The following ZC3H12B variants were observed in gnomAD, a reference collection of about 807,000 sequenced individuals.
The protein encoded by ZC3H12B is zinc finger CCCH-type containing 12B.
In ZC3H12B, 7 loss-of-function variants were observed where a neutral mutation model predicts 43.9. The observed-to-expected ratio is 0.16, with a 90% CI of 0.09 to 0.30. The LOEUF (loss-of-function observed/expected upper bound fraction) is 0.30, where lower values mean the gene tolerates loss of function less well. ZC3H12B is among the 10% of genes least tolerant of loss of function. The probability of loss-of-function intolerance (pLI) is 1.00; values close to 1 mark genes in which losing one functional copy is unlikely to be tolerated. For missense variants in ZC3H12B, 475 were observed against 670.2 expected, an observed-to-expected ratio of 0.71 and a Z score of 3.22; for synonymous variants, 222 against 241.7, an observed-to-expected ratio of 0.92 and a Z score of 0.76.
the ZC3H12B span, among the ~76,000 whole-genome samples, chrX:65,332,130 C>G: frequency 5.4e-5 from 6 of 110,621 alleles, no homozygotes; most frequent in Non-Finnish European, 1.1e-4. Context: ...TGCTCTGGTT[C>G]GAATACCTCT....
intron 3 of ZC3H12B, among the ~76,000 whole-genome samples, chrX:65,461,695 C>A (rs1225205198): frequency 9.0e-6 from 1 of 110,622 alleles, no homozygotes; most frequent in African/African-American, 3.3e-5. Context: ...CACACTAGGG[C>A]CTGTTGTGGG....
the ZC3H12B span, among the ~76,000 whole-genome samples, chrX:65,293,964 A>G: frequency 2.7e-5 from 3 of 111,821 alleles, no homozygotes; most frequent in Non-Finnish European, 3.8e-5. Flanking sequence ...TCCCAGGCAT[A>G]GCTAGAGATC....
the ZC3H12B span, among the ~76,000 whole-genome samples, chrX:65,223,883 A>G: frequency 2.9e-4 from 33 of 112,503 alleles, no homozygotes; most frequent in Admixed American, 7.5e-4. Context: ...CACTATGGAA[A>G]ACAGAGTGGA....
At chrX:65,354,230 G>A in the ZC3H12B span, among the ~76,000 whole-genome samples, 10 of 111,680 alleles carry the variant, frequency 9.0e-5, no homozygotes, top group Non-Finnish European at 1.9e-4. Context: ...GCATCTGGCC[G>A]GTGCCCCTTT....
chrX:65,391,878 G>T (rs747710656), intron 2 of ZC3H12B, among the ~76,000 whole-genome samples: 1 of 111,091 alleles, frequency 9.0e-6, no homozygotes, highest in African/African-American at 3.3e-5. Flanking sequence ...TGATTCTCCT[G>T]CCTCAGCCTG....
At chrX:65,385,619 C>A (rs1426004286) in intron 2 of ZC3H12B, among the ~76,000 whole-genome samples, 1 of 111,686 alleles carries the variant, frequency 9.0e-6, no homozygotes, top group African/African-American at 3.3e-5. Context: ...TCCTCTTTTC[C>A]TAATTGAATA....
the ZC3H12B span, among the ~76,000 whole-genome samples, chrX:65,343,777 C>T: frequency 8.9e-6 from 1 of 111,799 alleles, no homozygotes; most frequent in Non-Finnish European, 1.9e-5. Flanking sequence ...GACAAGGATG[C>T]CCTCTGTCAT....
chrX:65,106,290 A>G, the ZC3H12B span, among the ~76,000 whole-genome samples: 1 of 112,268 alleles, frequency 8.9e-6, no homozygotes, highest in Non-Finnish European at 1.9e-5. Context: ...TGGCAGATAT[A>G]GTAATGAATT....
In ZC3H12B at chrX:65,450,987, A is replaced by G. The variant is rs1057306940; in HGVS notation, n.408-37659A>G. 1.2e-4 allele frequency among the ~76,000 whole-genome samples: 13 copies of G among 105,391 alleles called. No individual in the cohort carries two copies. In the East Asian group the frequency reaches 3.9e-3, roughly 31 times the overall value. The allele number at this position is 105,391 out of a possible 115,157, so 91.5% of individuals were successfully genotyped here. On this transcript the variant is annotated intron_variant and non_coding_transcript_variant, in intron 3 of 5. Transcript: ENST00000617377. ...TAGTATTAATTCAATTCTTTTGTTC[A>G]TCCAGGCTGAAGTGCAGTGGTGCGA...
At chrX:65,333,880 A>T in the ZC3H12B span, among the ~76,000 whole-genome samples, 5 of 112,003 alleles carry the variant, frequency 4.5e-5, no homozygotes, top group African/African-American at 1.6e-4. Flanking sequence ...CACAACAATT[A>T]TAACTATTAA....
At chrX:65,386,300 A>C (rs985136525) in intron 2 of ZC3H12B, among the ~76,000 whole-genome samples, 1 of 111,659 alleles carries the variant, frequency 9.0e-6, no homozygotes, top group African/African-American at 3.3e-5. Flanking sequence ...TTGGTAGGCT[A>C]TTAATTATTG....
At chrX:65,036,677 A>G in the ZC3H12B span, among the ~76,000 whole-genome samples, 2 of 110,336 alleles carry the variant, frequency 1.8e-5, no homozygotes, top group Non-Finnish European at 3.8e-5. Context: ...GCAAGCTGAC[A>G]TGCTTCTAGT....
chrX:65,129,019 A>G, the ZC3H12B span, among the ~76,000 whole-genome samples: 3 of 110,162 alleles, frequency 2.7e-5, no homozygotes. Flanking sequence ...TAGCTGGTGT[A>G]TTTATTTTAT....
intron 3 of ZC3H12B, among the ~76,000 whole-genome samples, chrX:65,471,013 G>A (rs1337691789): frequency 9.0e-6 from 1 of 111,426 alleles, no homozygotes; most frequent in Non-Finnish European, 1.9e-5. Context: ...GCAGTTTGGG[G>A]GTAGAATGTT....
At chrX:65,042,461 T>C in the ZC3H12B span, among the ~76,000 whole-genome samples, 1 of 112,773 alleles carries the variant, frequency 8.9e-6, no homozygotes, top group African/African-American at 3.2e-5. Context: ...TTTTGAAAGA[T>C]AATTTTATAT....
chrX:65,183,454 A>T, the ZC3H12B span, among the ~76,000 whole-genome samples: 1 of 111,176 alleles, frequency 9.0e-6, no homozygotes, highest in South Asian at 3.8e-4. Context: ...AAACTACTTA[A>T]TTGGGTACTA....
chrX:65,206,996 T>TA, the ZC3H12B span, among the ~76,000 whole-genome samples: 1 of 93,707 alleles, frequency 1.1e-5, no homozygotes, highest in South Asian at 4.5e-4. Flanking sequence ...AATCAAAAAA[T>TA]CAAAAAAAAA....
chrX:65,240,575 C>A, the ZC3H12B span, among the ~76,000 whole-genome samples: 1 of 111,701 alleles, frequency 9.0e-6, no homozygotes, highest in African/African-American at 3.3e-5. Flanking sequence ...TTAATTCAGC[C>A]ACCTCAGCCT....
At chrX:65,379,687 G>A (rs1166279245) in intron 2 of ZC3H12B, among the ~76,000 whole-genome samples, 1 of 111,789 alleles carries the variant, frequency 8.9e-6, no homozygotes, top group Non-Finnish European at 1.9e-5. Flanking sequence ...CAAACCAAAC[G>A]CAAAGAAGTT....
Sources: gnomAD v4.1 joint callset for allele counts (sites outside exome capture counted in the v4.1 genomes callset) on GRCh38, gnomAD v4.1.1 for gene constraint, MANE v1.5 for transcripts, NCBI Gene and HGNC (gene_info 2026-07-23, HGNC 2026-07-21) for gene names.